The following LIMCH1 variants were observed in gnomAD, a reference collection of about 807,000 sequenced individuals.
LIMCH1 encodes LIM and calponin homology domains 1.
In LIMCH1, 113 loss-of-function variants were observed where a neutral mutation model predicts 176.5. The observed-to-expected ratio is 0.64, with a 90% CI of 0.55 to 0.75. LIMCH1 has a LOEUF of 0.75. Ranked by LOEUF, LIMCH1 falls within the 30% of genes least tolerant of loss-of-function variation. The probability of loss-of-function intolerance (pLI) is 0.00; values close to 1 mark genes in which losing one functional copy is unlikely to be tolerated. For synonymous variants in LIMCH1, 619 were observed against 645.9 expected, an observed-to-expected ratio of 0.96 and a Z score of 0.63; for missense variants, 1,674 against 1,814.9, an observed-to-expected ratio of 0.92 and a Z score of 1.41.
intron 23 of LIMCH1, among the ~76,000 whole-genome samples, chr4:41,678,193 A>C (rs1322033493): frequency 1.3e-5 from 2 of 151,754 alleles, no homozygotes; most frequent in African/African-American, 4.8e-5. Context: ...GTGCGTAGAA[A>C]GCAATGCTTA....
intron 1 of LIMCH1, among the ~76,000 whole-genome samples, chr4:41,414,314 G>A (rs987666139): frequency 7.9e-5 from 12 of 152,110 alleles, no homozygotes; most frequent in Non-Finnish European, 1.5e-4. Flanking sequence ...TTGAGAGGGA[G>A]AGACAACTCA....
chr4:41,628,913 T>C (rs1160793310), intron 8 of LIMCH1, among the ~76,000 whole-genome samples: 1 of 152,248 alleles, frequency 6.6e-6, no homozygotes, highest in East Asian at 1.9e-4. Context: ...ACTAATGCCA[T>C]GAAGCAGACG....
intron 1 of LIMCH1, among the ~76,000 whole-genome samples, chr4:41,446,119 TG>T (rs2063262137): frequency 6.6e-6 from 1 of 152,130 alleles, no homozygotes; most frequent in Admixed American, 6.5e-5. Context: ...TTTTCAAAAC[TG>T]AAGATGAGGA....
At chr4:41,669,972 G>A (rs773630345) in intron 21 of LIMCH1, among the ~76,000 whole-genome samples, 2 of 152,154 alleles carry the variant, frequency 1.3e-5, no homozygotes, top group Non-Finnish European at 2.9e-5. Context: ...AAGATCTGCT[G>A]ATCGACCCTA....
At chr4:41,503,762 G>A (rs535298023) in intron 2 of LIMCH1, among the ~76,000 whole-genome samples, 1 of 152,250 alleles carries the variant, frequency 6.6e-6, no homozygotes, top group South Asian at 2.1e-4. Flanking sequence ...CCGGAGAAAA[G>A]CCTCTCTCCT....
chr4:41,655,248 T>C (rs145077058), intron 18 of LIMCH1, among the ~76,000 whole-genome samples: 235 of 152,326 alleles, frequency 1.5e-3, no homozygotes, highest in African/African-American at 5.6e-3. Context: ...AACGTCAAAC[T>C]GTCTAAGCCT....
chr4:41,689,567 C>A lies in LIMCH1; in HGVS notation c.4207C>A (p.Pro1403Thr). Residue 1403 changes from proline (P) to threonine (T), a missense_variant, in exon 30 of 32, where the codon CCT becomes ACT. By Grantham distance (38) the Pro-to-Thr change is conservative. Around this residue, in one of 3 missense-constraint regions of LIMCH1, gnomAD observed 1,015 missense variants for 1,102.5 expected, o/e 0.92. Transcript: ENST00000503057. ...GAAGCTGTGCTCTTCCTGTGGGCTT[C>A]CTTTGGGTAAAGGAGCTGCAATGAT... Reference protein sequence around the residue: ...GKKLCSSCGLPLGKGAAMIIE... With the variant: ...GKKLCSSCGLTLGKGAAMIIE... The A allele has an allele frequency of 6.2e-7, 1 of 1,612,570 alleles. No homozygotes were observed. The highest frequency in any genetic ancestry group is 1.1e-5 in the South Asian group (1 of 91,048).
At chr4:41,695,163 CTG>C (rs1384389139) in intron 31 of LIMCH1, among the ~76,000 whole-genome samples, 1 of 151,582 alleles carries the variant, frequency 6.6e-6, no homozygotes, top group Non-Finnish European at 1.5e-5. Flanking sequence ...TTTTCCCACT[CTG>C]TGATTTATTT....
intron 1 of LIMCH1, among the ~76,000 whole-genome samples, chr4:41,395,372 A>G (rs2057692886): frequency 6.6e-6 from 1 of 151,248 alleles, no homozygotes; most frequent in South Asian, 2.1e-4. Context: ...AGCTGGGACT[A>G]CAGGTGCCCA....
At chr4:41,524,342 A>G in intron 2 of LIMCH1, 1 of 1,201,416 alleles carries the variant, frequency 8.3e-7, no homozygotes, top group Non-Finnish European at 1.2e-6. Flanking sequence ...GTAGCCCCGG[A>G]TAAAGGTGAT....
intron 2 of LIMCH1, among the ~76,000 whole-genome samples, chr4:41,498,359 G>A (rs1199362786): frequency 3.3e-5 from 5 of 152,108 alleles, no homozygotes; most frequent in Admixed American, 6.5e-5. Flanking sequence ...CTCCTATGCC[G>A]GAATACTAAT....
intron 9 of LIMCH1, among the ~76,000 whole-genome samples, chr4:41,630,844 C>T (rs2093280397): frequency 6.6e-6 from 1 of 152,184 alleles, no homozygotes; most frequent in African/African-American, 2.4e-5. Flanking sequence ...CCGATAATAG[C>T]TACATTAACG....
At chr4:41,452,005 A>T (rs1479370244) in intron 1 of LIMCH1, among the ~76,000 whole-genome samples, 1 of 152,120 alleles carries the variant, frequency 6.6e-6, no homozygotes. Context: ...CTTTCTGGAT[A>T]AACTCTTTCT....
intron 1 of LIMCH1, among the ~76,000 whole-genome samples, chr4:41,575,773 T>C (rs1352975473): frequency 1.3e-5 from 2 of 152,184 alleles, no homozygotes; most frequent in East Asian, 3.8e-4. Flanking sequence ...ATTTGCCTCT[T>C]GCAATGTTGA....
intron 1 of LIMCH1, among the ~76,000 whole-genome samples, chr4:41,449,026 A>AG (rs1056705207): frequency 4.6e-5 from 7 of 152,200 alleles, no homozygotes; most frequent in African/African-American, 1.7e-4. Context: ...TAGTAAAAAA[A>AG]AAAAGCTGGT....
Position 41,448,264 on chromosome 4 carries a change from C to T in LIMCH1, c.97-46272C>T, listed in dbSNP as rs548914535. On this transcript the variant is annotated intron_variant, in intron 1 of 26. Coordinates refer to the LIMCH1 transcript ENST00000313860. ...TCTCCTAGAGCTTCAGCTTTAGGTT[C>T]GCTTTAGGTTGGTGGGACCAGCAAA... Among the ~76,000 whole-genome samples the T allele has an allele frequency of 3.6e-4, 55 of 152,278 alleles. 1 individual carries two copies. The highest frequency in any genetic ancestry group is 1.6e-3 in the Admixed American group (24 of 15,298).
intron 28 of LIMCH1, among the ~76,000 whole-genome samples, chr4:41,687,178 T>C (rs892706484): frequency 2.0e-5 from 3 of 152,186 alleles, no homozygotes; most frequent in African/African-American, 7.2e-5. Context: ...ACAAATGATA[T>C]TAACTTTTAA....
chr4:41,379,990 G>A (rs1270048990), intron 1 of LIMCH1, among the ~76,000 whole-genome samples: 1 of 152,034 alleles, frequency 6.6e-6, no homozygotes, highest in African/African-American at 2.4e-5. Context: ...TAGAGATGGG[G>A]TTTTGCCATG....
intron 23 of LIMCH1, among the ~76,000 whole-genome samples, chr4:41,676,886 G>A (rs1585764543): frequency 1.3e-5 from 2 of 152,142 alleles, no homozygotes; most frequent in South Asian, 4.1e-4. Flanking sequence ...TTGAGGGCTG[G>A]GCGTGGTGGC....
Sources: gnomAD v4.1 joint callset for allele counts (sites outside exome capture counted in the v4.1 genomes callset) on GRCh38, gnomAD v4.1.1 for gene constraint, gnomAD v4.1.1 regional missense constraint, MANE v1.5 for transcripts, NCBI Gene and HGNC (gene_info 2026-07-23, HGNC 2026-07-21) for gene names.